The following ZNF185 variants were observed in gnomAD, a reference collection of about 807,000 sequenced individuals.
ZNF185 encodes the protein zinc finger protein 185 with LIM domain.
ZNF185 carries 56 observed loss-of-function variants against 58.6 expected under a neutral mutation model. The ratio of observed to expected loss-of-function variants is 0.95; its 90% confidence interval spans 0.77 to 1.19. ZNF185 has a LOEUF of 1.19. Ranked by LOEUF, ZNF185 falls within the 50% of genes most tolerant of loss-of-function variation. The pLI, the probability that ZNF185 is intolerant of heterozygous loss-of-function variation, is 0.00. For synonymous variants in ZNF185, 230 were observed against 215.9 expected (o/e 1.07, Z -0.57); for missense variants, 627 against 573.5 (o/e 1.09, Z -0.95).
chrX:152,919,225 T>A (rs1465596215), intron 7 of ZNF185, 144 bp downstream of exon 8: 1 of 482,557 alleles, frequency 2.1e-6, no homozygotes, highest in Admixed American at 3.2e-5. Flanking sequence ...AGCATGAGAA[T>A]AGGTGTCATT....
At chrX:152,909,073 C>G in the ZNF185 span, among the ~76,000 whole-genome samples, 1 of 112,874 alleles carries the variant, frequency 8.9e-6, no homozygotes, top group Non-Finnish European at 1.9e-5. Flanking sequence ...GGGTGCAGCC[C>G]TGGGGAGGGC....
intron 15 of ZNF185, among the ~76,000 whole-genome samples, chrX:152,940,896 C>A (rs2047107976): frequency 8.9e-6 from 1 of 112,134 alleles, no homozygotes; most frequent in African/African-American, 3.2e-5. Flanking sequence ...GTCTGAATAT[C>A]TCTCTCAATG....
At chrX:152,904,061 A>G in the ZNF185 span, among the ~76,000 whole-genome samples, 1 of 112,296 alleles carries the variant, frequency 8.9e-6, no homozygotes, top group East Asian at 2.8e-4. Flanking sequence ...TTTCCATATT[A>G]TATTTTCCCC....
At chrX:152,963,270 A>G (rs148986141) in intron 17 of ZNF185, among the ~76,000 whole-genome samples, 1,541 of 113,110 alleles carry the variant, frequency 0.014, 26 homozygotes, top group African/African-American at 0.047. Flanking sequence ...GCCAAGGGCC[A>G]TATCTGGCAG....
intron 11 of ZNF185, among the ~76,000 whole-genome samples, chrX:152,924,585 G>A (rs879975657): frequency 1.8e-5 from 2 of 112,366 alleles, no homozygotes; most frequent in Non-Finnish European, 3.8e-5. Flanking sequence ...GGTGGCACAA[G>A]TCAGCCCATA....
At chrX:152,923,085 C>T (rs1200754739) in intron 11 of ZNF185, among the ~76,000 whole-genome samples, 1 of 112,292 alleles carries the variant, frequency 8.9e-6, no homozygotes, top group Non-Finnish European at 1.9e-5. Flanking sequence ...GGAGAGCCAC[C>T]ACCTGCTGTT....
At chrX:152,957,333 T>C (rs2048951020) in intron 16 of ZNF185, among the ~76,000 whole-genome samples, 1 of 109,373 alleles carries the variant, frequency 9.1e-6, no homozygotes, top group African/African-American at 3.3e-5. Flanking sequence ...AGACAGTCCA[T>C]GGAGGAGAAA....
intron 7 of ZNF185, 31 bp downstream of exon 8, chrX:152,919,112 G>T (rs782782408): frequency 1.3e-5 from 15 of 1,123,042 alleles, no homozygotes; most frequent in Middle Eastern, 4.8e-4. Context: ...GGGCATCCCG[G>T]GGGGCAGGGC....
At chrX:152,918,893 G>C in intron 6 of ZNF185, 90 bp from the exon 8 acceptor site, 1 of 653,366 alleles carries the variant, frequency 1.5e-6, no homozygotes, top group Non-Finnish European at 2.4e-6. Context: ...CAGAGATATT[G>C]ACTTGCCTCG....
chrX:152,972,718 T>A (rs1214911963), exon 23 of ZNF185: 1 of 111,376 alleles, frequency 9.0e-6, no homozygotes, highest in Admixed American at 9.5e-5. Flanking sequence ...TGGAAACTCG[T>A]TGGATGGCTG....
upstream of ZNF185, among the ~76,000 whole-genome samples, chrX:152,909,527 C>G (rs781898989): frequency 1.8e-5 from 2 of 112,160 alleles, no homozygotes; most frequent in Non-Finnish European, 3.8e-5. Context: ...CCTCCTGTCC[C>G]GTCATCTCTT....
intron 15 of ZNF185, among the ~76,000 whole-genome samples, chrX:152,938,850 G>T (rs1399002069): frequency 9.4e-6 from 1 of 105,962 alleles, no homozygotes; most frequent in Non-Finnish European, 1.9e-5. Flanking sequence ...TAGAGTGATG[G>T]CAGTGAGGAG....
intron 9 of ZNF185, 68 bp downstream of exon 10, chrX:152,920,816 G>A (rs1480248885): frequency 8.8e-7 from 1 of 1,138,147 alleles, no homozygotes. Context: ...GTCAGCAGGG[G>A]TGTAGTGTGG....
At chrX:152,909,711 C>T (rs1827167159), upstream of ZNF185, among the ~76,000 whole-genome samples, 1 of 112,123 alleles carries the variant, frequency 8.9e-6, no homozygotes. Context: ...AAGGAGGCCC[C>T]GGGAAGAGGC....
intron 15 of ZNF185, among the ~76,000 whole-genome samples, chrX:152,942,199 C>A (rs1258552360): frequency 8.9e-6 from 1 of 112,234 alleles, no homozygotes; most frequent in African/African-American, 3.2e-5. Context: ...CCTTACTTTC[C>A]CTAGGTTACA....
intron 17 of ZNF185, among the ~76,000 whole-genome samples, chrX:152,962,265 C>T (rs782773749): frequency 9.1e-6 from 1 of 110,465 alleles, no homozygotes; most frequent in South Asian, 4.0e-4. Context: ...GCTCACATTG[C>T]AGTCCTGGGG....
chrX:152,918,142 A>T (rs1215948604), exon 6 of ZNF185: 1 of 1,191,800 alleles, frequency 8.4e-7, no homozygotes, highest in African/African-American at 1.8e-5. Context: ...ACCACTGAGG[A>T]TTACAAGAAG....
upstream of ZNF185, among the ~76,000 whole-genome samples, chrX:152,912,908 C>T (rs1397023360): frequency 1.8e-5 from 2 of 112,877 alleles, no homozygotes; most frequent in Non-Finnish European, 3.8e-5. Context: ...AGAACTCTAA[C>T]GTGGCAGCTT....
At chrX:152,907,391 T>G in the ZNF185 span, among the ~76,000 whole-genome samples, 107 of 113,044 alleles carry the variant, frequency 9.5e-4, no homozygotes, top group Non-Finnish European at 1.4e-3. Flanking sequence ...GGCCCCTTCC[T>G]TCGAGGTTGC....
Sources: allele counts gnomAD v4.1 joint callset (sites outside exome capture counted in the v4.1 genomes callset), GRCh38; gene constraint gnomAD v4.1.1; transcripts MANE v1.5; gene names NCBI Gene and HGNC (gene_info 2026-07-23, HGNC 2026-07-21).